OTOGL: variants seen among roughly 807,000 people sequenced by gnomAD.
The protein encoded by OTOGL is otogelin like.
In OTOGL, 285 loss-of-function variants were observed where a neutral mutation model predicts 318.5. The observed-to-expected ratio is 0.89, with a 90% CI of 0.81 to 0.99. The LOEUF (loss-of-function observed/expected upper bound fraction) is 0.99, where lower values mean the gene tolerates loss of function less well. OTOGL is among the 50% of genes least tolerant of loss of function. OTOGL has a pLI of 0.00. For missense variants in OTOGL, 2,899 were observed against 2,845.6 expected (o/e 1.02, Z -0.43); for synonymous variants, 987 against 936.5 (o/e 1.05, Z -0.99).
rs1229403322 is a variant in OTOGL at position 80,195,955 on chromosome 12, T to C, written c.-19-13458T>C. On this transcript the variant is annotated intron_variant, in intron 1 of 58. Transcript: ENST00000547103. ...GGATTTTCTTGAGAACTGTGTCATCTAAAATCATGAATACATTCTCATGCC... is the reference window on the plus strand; with the variant it reads ...GGATTTTCTTGAGAACTGTGTCATCCAAAATCATGAATACATTCTCATGCC... 3.3e-5 allele frequency among the ~76,000 whole-genome samples: 5 copies of C among 152,348 alleles called. No homozygotes were observed. In the East Asian group the frequency reaches 9.6e-4, roughly 29 times the overall value.
intron 1 of OTOGL, among the ~76,000 whole-genome samples, chr12:80,164,312 C>G (rs1157495227): frequency 6.6e-6 from 1 of 152,084 alleles, no homozygotes; most frequent in Non-Finnish European, 1.5e-5. Flanking sequence ...CATTACAAAG[C>G]AAATAATTTT....
intron 24 of OTOGL, among the ~76,000 whole-genome samples, chr12:80,276,795 A>G (rs1883841236): frequency 6.6e-6 from 1 of 151,634 alleles, no homozygotes; most frequent in African/African-American, 2.4e-5. Flanking sequence ...TGCGCTACAT[A>G]TTGTGTGACA....
At chr12:80,375,887 A>G (rs1276796017) in intron 57 of OTOGL, among the ~76,000 whole-genome samples, 1 of 152,098 alleles carries the variant, frequency 6.6e-6, no homozygotes, top group Non-Finnish European at 1.5e-5. Context: ...CTCGAGTCAC[A>G]CCATGAGCAA....
Position 80,271,819 on chromosome 12 carries a change from C to T in OTOGL, c.2681+9C>T, listed in dbSNP as rs746040671. The stretch of plus-strand genomic sequence containing the variant: ...TGTGTTTGTGCTCCAGGGTAAGCCT[C>T]TTCTTCATAATACAGAACATTCAGG... On this transcript the variant is annotated intron_variant, in intron 24 of 58. Coordinates refer to ENST00000547103, the MANE Select transcript of OTOGL (RefSeq NM_001378609.3). 3.7e-6 allele frequency: 6 copies of T among 1,608,004 alleles called. No individual in the cohort carries two copies. In the South Asian group the frequency reaches 6.6e-5, roughly 18 times the overall value.
chr12:80,118,489 C>T (rs766343280), intron 1 of OTOGL, among the ~76,000 whole-genome samples: 1 of 152,046 alleles, frequency 6.6e-6, no homozygotes, highest in Admixed American at 6.6e-5. Flanking sequence ...TCTCATGTGC[C>T]CAAAGTGTTT....
chr12:80,372,152 C>G, intron 57 of OTOGL, 88 bp downstream of exon 57: 2 of 933,854 alleles, frequency 2.1e-6, no homozygotes. Flanking sequence ...AAATTCAATT[C>G]CTATGATGCA....
chr12:80,341,016 A>C (rs974660082), intron 43 of OTOGL, among the ~76,000 whole-genome samples: 2 of 147,948 alleles, frequency 1.4e-5, no homozygotes, highest in Non-Finnish European at 3.0e-5. Flanking sequence ...ACCTTTATTC[A>C]TCCTGATATA....
intron 9 of OTOGL, among the ~76,000 whole-genome samples, chr12:80,237,290 G>A (rs890994555): frequency 2.0e-5 from 3 of 152,114 alleles, no homozygotes; most frequent in Non-Finnish European, 2.9e-5. Context: ...AGTATGTATT[G>A]TAATGGAAAA....
rs552899224 is a variant in OTOGL at position 80,271,537 on chromosome 12, T to G, written c.2519-111T>G. Reference sequence around the variant, plus strand: ...CTGTCTTATGGAAGGCAGCTAACATTCTCAAACTCAAAATAGGTTTAGAAT... The same window carrying G: ...CTGTCTTATGGAAGGCAGCTAACATGCTCAAACTCAAAATAGGTTTAGAAT... On this transcript the variant is annotated intron_variant, in intron 23 of 58. Coordinates refer to ENST00000547103, the MANE Select transcript of OTOGL (RefSeq NM_001378609.3). 3.0e-4 allele frequency: 316 copies of G among 1,066,936 alleles called. 6 individuals are homozygous for G. In the South Asian group the frequency reaches 5.9e-3, roughly 20 times the overall value. The allele number at this position is 1,066,936 out of a possible 1,614,324, so 66.1% of individuals were successfully genotyped here.
rs566741174 is a variant in OTOGL, at chr12:80,160,902, CA to C, written c.-19-48506del. Among the ~76,000 whole-genome samples, 5 of 152,114 alleles carry C rather than the reference CA, an allele frequency of 3.3e-5. No individual in the cohort carries two copies. The South Asian group carries it at 1.0e-3, about 32-fold the overall frequency. On this transcript the variant is annotated intron_variant, in intron 1 of 58. Coordinates refer to ENST00000547103, the MANE Select transcript of OTOGL (RefSeq NM_001378609.3). ...TATACAATGGAATACTACTCAGCCC[CA>C]AAAAGGAACAAATTAATGGCATTCC...
chr12:80,249,594 T>C (rs900438523), intron 11 of OTOGL, among the ~76,000 whole-genome samples: 1 of 152,112 alleles, frequency 6.6e-6, no homozygotes, highest in Non-Finnish European at 1.5e-5. Flanking sequence ...CATTTAAGTC[T>C]GCAGAGGTTA....
intron 29 of OTOGL, among the ~76,000 whole-genome samples, chr12:80,308,542 G>A (rs1450779951): frequency 4.5e-4 from 68 of 152,162 alleles, no homozygotes; most frequent in African/African-American, 5.8e-4. Context: ...AGGCGGAGAC[G>A]CTCCTCACTT....
chr12:80,278,013 A>C (rs760028999), intron 24 of OTOGL, among the ~76,000 whole-genome samples, 155 bp from the exon 25 acceptor site: 2 of 151,556 alleles, frequency 1.3e-5, no homozygotes, highest in Non-Finnish European at 3.0e-5. Flanking sequence ...AAAAGCGAGG[A>C]GAAAGACTGG....
Position 80,355,736 on chromosome 12 carries a change from C to G in OTOGL, c.5594C>G (p.Ala1865Gly), listed in dbSNP as rs369633085. Residue 1865 changes from alanine (A) to glycine (G), a missense_variant and splice_region_variant, in exon 47 of 59, where the codon GCA (alanine) becomes GGA (glycine). Physicochemically the swap from Ala to Gly is moderately conservative, Grantham distance 60. Around this residue, in one of 3 missense-constraint regions of OTOGL, gnomAD observed 2,607 missense variants for 2,524.9 expected, o/e 1.03. Transcript: ENST00000547103. ...TTATAATACTGTTGATCTTTTTAAG[C>G]ATGCACTGATAGTGAAGACCAACCC... The part of the protein sequence containing the change: ...SAQCIPEKEC[A>G]CTDSEDQPRT... The G allele has an allele frequency of 1.2e-6, 2 of 1,610,514 alleles. No individual in the cohort carries two copies. Among genetic ancestry groups the G allele is most frequent in the African/African-American group, 2.7e-5 (2 of 74,812 alleles).
chr12:80,217,225 T>A (rs1374367712), intron 4 of OTOGL, among the ~76,000 whole-genome samples: 1 of 151,506 alleles, frequency 6.6e-6, no homozygotes, highest in Non-Finnish European at 1.5e-5. Context: ...TTCCAAAGGT[T>A]AGACTCCAAC....
At chr12:80,364,050 A>G (rs1474561772) in intron 52 of OTOGL, among the ~76,000 whole-genome samples, 1 of 152,148 alleles carries the variant, frequency 6.6e-6, no homozygotes, top group African/African-American at 2.4e-5. Flanking sequence ...CAATGTCTGA[A>G]TATTAATTAT....
intron 26 of OTOGL, among the ~76,000 whole-genome samples, chr12:80,287,406 A>G (rs1338827156): frequency 1.3e-5 from 2 of 151,706 alleles, no homozygotes; most frequent in Non-Finnish European, 2.9e-5. Context: ...GTAAGTGTCT[A>G]TTAGGTCTGC....
At position 80,329,056 on chromosome 12, in the gene OTOGL, C is replaced by A. The variant is rs1409395048; in HGVS notation, c.4285C>A (p.Pro1429Thr). 6.3e-7 allele frequency: 1 copy of A among 1,581,818 alleles called. No homozygotes were observed. The highest frequency in any genetic ancestry group is 2.3e-5 in the East Asian group (1 of 44,440). ...GCACCTTTGTTTCTTTGTAGGTATA[C>A]CTGTGATTCCCACAGAACCAACATT... Reference protein sequence around the residue: ...LKCVYPRDCIPVIPTEPTLMP... With the variant: ...LKCVYPRDCITVIPTEPTLMP... Residue 1429 changes from proline to threonine, a missense_variant, in exon 37 of 59, where the codon CCT becomes ACT. Pro to Thr is a conservative substitution (Grantham distance 38, BLOSUM62 -1). Transcript: ENST00000547103.
At chr12:80,282,891 C>T (rs1247582327) in intron 26 of OTOGL, among the ~76,000 whole-genome samples, 2 of 151,778 alleles carry the variant, frequency 1.3e-5, no homozygotes, top group East Asian at 1.9e-4. Flanking sequence ...TTGCCTTTTC[C>T]TCTTACATAA....
Sources: allele counts gnomAD v4.1 joint callset (sites outside exome capture counted in the v4.1 genomes callset), GRCh38; gene constraint gnomAD v4.1.1; regional missense constraint gnomAD v4.1.1; transcripts MANE v1.5; gene names NCBI Gene and HGNC (gene_info 2026-07-23, HGNC 2026-07-21).